Variants in KLKB1 observed in about 807,000 individuals in gnomAD.
The protein encoded by KLKB1 is plasma kallikrein.
In KLKB1, 58 loss-of-function variants were observed where a neutral mutation model predicts 73.6. That is an observed-to-expected ratio of 0.79 (90% CI 0.64 to 0.98). The LOEUF (loss-of-function observed/expected upper bound fraction) is 0.98. Ranked by LOEUF, KLKB1 falls within the 50% of genes least tolerant of loss-of-function variation. KLKB1 has a pLI of 0.00. For synonymous variants in KLKB1, 280 were observed against 258.1 expected (o/e 1.08, Z -0.81); for missense variants, 737 against 763.8 (o/e 0.96, Z 0.41).
intron 14 of KLKB1, among the ~76,000 whole-genome samples, chr4:186,257,789 C>T (rs1331250608): frequency 1.4e-5 from 2 of 147,426 alleles, no homozygotes; most frequent in Non-Finnish European, 1.5e-5. Context: ...GTCTGGCAAG[C>T]AAGGTCTTGC....
chr4:186,257,580 G>A (rs552741550), intron 14 of KLKB1, among the ~76,000 whole-genome samples: 2 of 152,146 alleles, frequency 1.3e-5, no homozygotes, highest in African/African-American at 2.4e-5. Context: ...TGCTATTTAA[G>A]AGGGGCAAAT....
chr4:186,231,268 A>G (rs1737387988), intron 2 of KLKB1, among the ~76,000 whole-genome samples: 1 of 152,234 alleles, frequency 6.6e-6, no homozygotes, highest in Admixed American at 6.5e-5. Flanking sequence ...TTGACAACTG[A>G]AATGAATGTG....
chr4:186,250,324 GTC>G lies in KLKB1; in HGVS notation c.681_682del (p.Cys227TrpfsTer32). 6.2e-7 allele frequency: 1 copy of G among 1,614,040 alleles called. No individual in the cohort carries two copies. Among genetic ancestry groups the G allele is most frequent in the South Asian group, 1.1e-5 (1 of 91,076 alleles). On this transcript the variant is annotated frameshift_variant, in exon 7 of 15. Coordinates refer to ENST00000264690, the MANE Select transcript of KLKB1 (RefSeq NM_000892.5). LOFTEE classifies it high-confidence loss of function. The stretch of plus-strand genomic sequence containing the variant: ...GTTCTCACTCCAGATGCTTTTGTGT[GTC>G]GGACCATCTGCACCTATCACCCCAA...
chr4:186,251,263 C>T lies in KLKB1; in HGVS notation c.803C>T (p.Ser268Phe), dbSNP rs1365796674. The change falls in exon 8 of 15, where the codon TCC (serine) becomes TTC (phenylalanine). Residue 268 changes from serine to phenylalanine, a missense_variant. By Grantham distance (155) the Ser-to-Phe change is radical. Transcript: ENST00000264690. Reference sequence around the variant, plus strand: ...ACATCTGAAAGTGGCACACCAAGTTCCTCTACTCCTCAAGAAAACACCATA... The same window carrying T: ...ACATCTGAAAGTGGCACACCAAGTTTCTCTACTCCTCAAGAAAACACCATA... ...LKTSESGTPS[S>F]STPQENTISG... is the part of the protein sequence containing the mutation. 2 of 1,612,190 alleles carry T rather than the reference C, an allele frequency of 1.2e-6. No individual in the cohort carries two copies. Among genetic ancestry groups the T allele is most frequent in the East Asian group, 2.2e-5 (1 of 44,832 alleles).
At chr4:186,216,540 T>C (rs547404681) in intron 2 of KLKB1, among the ~76,000 whole-genome samples, 1 of 152,130 alleles carries the variant, frequency 6.6e-6, no homozygotes, top group Non-Finnish European at 1.5e-5. Flanking sequence ...AGCAGTGGTC[T>C]GATTGAAGTG....
chr4:186,226,688 G>A (rs1737180347), upstream of KLKB1, among the ~76,000 whole-genome samples: 1 of 152,198 alleles, frequency 6.6e-6, no homozygotes, highest in South Asian at 2.1e-4. Flanking sequence ...AGTTTATTCA[G>A]GCTGTCCTGG....
chr4:186,216,076 C>T (rs1736894992), intron 2 of KLKB1, among the ~76,000 whole-genome samples: 1 of 152,190 alleles, frequency 6.6e-6, no homozygotes, highest in African/African-American at 2.4e-5. Flanking sequence ...AATCAGAATT[C>T]ATCCAACAAT....
chr4:186,250,425 A>C (rs1429438496), intron 7 of KLKB1, 23 bp downstream of exon 7: 7 of 1,612,240 alleles, frequency 4.3e-6, no homozygotes, highest in Non-Finnish European at 5.9e-6. Context: ...GGAAAATCGC[A>C]TCACAAAGGC....
chr4:186,223,925 G>A (rs1245201866), upstream of KLKB1, among the ~76,000 whole-genome samples: 2 of 152,218 alleles, frequency 1.3e-5, no homozygotes, highest in African/African-American at 4.8e-5. Context: ...AGAGGCCTAG[G>A]AGGGAAAAAT....
chr4:186,252,073 G>T lies in KLKB1; in HGVS notation c.1201G>T (p.Glu401Ter). Residue 401 changes from glutamate (E) to a stop codon, truncating the protein, a stop_gained, in exon 11 of 15, where the codon GAG becomes TAG. Transcript: ENST00000264690. LOFTEE classifies it high-confidence loss of function. ...TGGAGGAACAAACTCTTCTTGGGGA[G>T]AGTGGCCCTGGCAGGTGAGCCTGCA... ...IVGGTNSSWG[E>*]WPWQVSLQVK... is the part of the protein sequence containing the mutation. 6.2e-7 allele frequency: 1 copy of T among 1,614,128 alleles called. No individual in the cohort carries two copies. The highest frequency in any genetic ancestry group is 8.5e-7 in the Non-Finnish European group (1 of 1,180,050).
At chr4:186,247,522 A>T (rs1031975913) in intron 6 of KLKB1, among the ~76,000 whole-genome samples, 19 of 152,166 alleles carry the variant, frequency 1.2e-4, no homozygotes, top group Admixed American at 7.9e-4. Flanking sequence ...TTCTTTTGTC[A>T]TTCTTCAGTT....
intron 13 of KLKB1, among the ~76,000 whole-genome samples, chr4:186,256,864 G>A (rs1454037470): frequency 1.3e-5 from 2 of 152,130 alleles, no homozygotes; most frequent in Non-Finnish European, 2.9e-5. Context: ...ACTGAGATGA[G>A]GGGATGGCAG....
chr4:186,247,244 A>G (rs1329732319), intron 6 of KLKB1, among the ~76,000 whole-genome samples: 1 of 152,184 alleles, frequency 6.6e-6, no homozygotes, highest in African/African-American at 2.4e-5. Flanking sequence ...CGAAGAGACC[A>G]CCAAACAGGC....
chr4:186,251,194 T>A (rs1738651376), intron 7 of KLKB1, 25 bp from the exon 8 acceptor site: 1 of 1,485,078 alleles, frequency 6.7e-7, no homozygotes, highest in South Asian at 1.1e-5. Context: ...TTTCTTTCTC[T>A]CTTGCTTTTT....
chr4:186,257,878 T>C (rs1181790189), intron 14 of KLKB1, 143 bp from the exon 15 acceptor site: 8 of 803,098 alleles, frequency 1.0e-5, no homozygotes, highest in Non-Finnish European at 1.5e-5. Context: ...GGCAATGTGA[T>C]GAAACCCATC....
Position 186,258,295 on chromosome 4 carries a change from T to C in KLKB1, c.*83T>C. ...CTGGGGGGTCCTCATCTGCAAAGCA[T>C]GGAGAGTGGCATCTTCTTTGCATCC... On this transcript the variant is annotated 3_prime_UTR_variant, in exon 15 of 15. Coordinates refer to ENST00000264690, the MANE Select transcript of KLKB1 (RefSeq NM_000892.5). 1 of 1,136,370 alleles carries C rather than the reference T, an allele frequency of 8.8e-7. No homozygotes were observed. The highest frequency in any genetic ancestry group is 1.3e-6 in the Non-Finnish European group (1 of 767,444). 70.4% of individuals were successfully genotyped at this position (1,136,370 alleles called of 1,614,324 possible). A position where few individuals can be genotyped will look rare whatever the true frequency, so the allele number is the denominator to read the frequency against.
chr4:186,223,798 GC>G (rs1737082687), upstream of KLKB1, among the ~76,000 whole-genome samples: 1 of 152,208 alleles, frequency 6.6e-6, no homozygotes, highest in African/African-American at 2.4e-5. Context: ...AGGAATTCAA[GC>G]CGGCTGCAGA....
At chr4:186,219,199 C>T (rs1313975457) in intron 2 of KLKB1, among the ~76,000 whole-genome samples, 2 of 152,124 alleles carry the variant, frequency 1.3e-5, no homozygotes, top group African/African-American at 4.8e-5. Flanking sequence ...AAATATTAAT[C>T]TCCTTTGGCA....
At chr4:186,250,545 G>T (rs1050620407) in intron 7 of KLKB1, 143 bp downstream of exon 7, 2 of 876,490 alleles carry the variant, frequency 2.3e-6, no homozygotes, top group South Asian at 1.4e-5. Flanking sequence ...GTTTCAGTAG[G>T]TACTGTTCTG....
Sources: gnomAD v4.1 joint callset for allele counts (sites outside exome capture counted in the v4.1 genomes callset) on GRCh38, gnomAD v4.1.1 for gene constraint, MANE v1.5 for transcripts, NCBI Gene and HGNC (gene_info 2026-07-23, HGNC 2026-07-21) for gene names.